The following OTUB2 variants were observed in gnomAD, a reference collection of about 807,000 sequenced individuals.
OTUB2 encodes OTU deubiquitinase, ubiquitin aldehyde binding 2, also known as ubiquitin thioesterase OTUB2.
A neutral mutation model predicts 25.1 loss-of-function variants in OTUB2; 21 were observed. The ratio of observed to expected loss-of-function variants is 0.84; its 90% CI spans 0.59 to 1.21. The LOEUF (loss-of-function observed/expected upper bound fraction) is 1.21. Among genes scored for constraint, OTUB2 ranks in the 50% most tolerant of loss-of-function variants. OTUB2 has a pLI of 0.00. For synonymous variants in OTUB2, 122 were observed against 122.8 expected (o/e 0.99, Z 0.04); for missense variants, 283 against 298.0 (o/e 0.95, Z 0.37).
intron 1 of OTUB2, among the ~76,000 whole-genome samples, chr14:94,035,027 T>C (rs1457140606): frequency 6.6e-6 from 1 of 152,232 alleles, no homozygotes; most frequent in East Asian, 1.9e-4. Context: ...CAGAAGCCCT[T>C]GGCACCTGCC....
Position 94,026,443 on chromosome 14 carries a change from G to T in OTUB2, c.-95G>T. On this transcript the variant is annotated 5_prime_UTR_variant, in exon 1 of 6. Transcript: ENST00000203664. Reference sequence around the variant, plus strand: ...CCACGCCCTCGAGGTCCCCGCCACCGAACCAGCGGCGGAGCCCGCCCGCGC... The same window carrying T: ...CCACGCCCTCGAGGTCCCCGCCACCTAACCAGCGGCGGAGCCCGCCCGCGC... 3 of 1,309,710 alleles carry T rather than the reference G, an allele frequency of 2.3e-6. No individual in the cohort carries two copies. The highest frequency in any genetic ancestry group is 2.9e-6 in the Non-Finnish European group (3 of 1,028,608). The allele number at this position is 1,309,710 out of a possible 1,614,324, so 81.1% of individuals were successfully genotyped here. A position where few individuals can be genotyped will look rare whatever the true frequency, so the allele number is the denominator to read the frequency against.
At chr14:94,042,500 G>C (rs189290058) in intron 3 of OTUB2, among the ~76,000 whole-genome samples, 25 of 152,082 alleles carry the variant, frequency 1.6e-4, no homozygotes, top group Non-Finnish European at 2.4e-4. Flanking sequence ...GGGGTGGGAG[G>C]GGGGGCAGGA....
Position 94,038,975 on chromosome 14 carries a change from A to G in OTUB2, c.112A>G (p.Arg38Gly). 1 of 1,614,158 alleles carries G rather than the reference A, an allele frequency of 6.2e-7. No individual in the cohort carries two copies. Among genetic ancestry groups the G allele is most frequent in the Non-Finnish European group, 8.5e-7 (1 of 1,180,014 alleles). Residue 38 changes from arginine to glycine, a missense_variant, in exon 3 of 6, where the codon AGG (arginine) becomes GGG (glycine). By Grantham distance (125) the Arg-to-Gly change is moderately radical. Transcript: ENST00000203664. ...YRRKIEELSK[R>G]FTAIRKTKGD... ...CTGTCCCCCTCAGGAACTCAGCAAA[A>G]GGTTCACCGCCATCCGCAAGACCAA...
At position 94,037,433 on chromosome 14, in the gene OTUB2, T is replaced by C. The variant is rs529197001; in HGVS notation, c.57T>C (p.Leu19=). The C allele has an allele frequency of 5.0e-6, 8 of 1,606,962 alleles. No individual in the cohort carries two copies. The East Asian group carries it at 6.7e-5, about 13-fold the overall frequency. Residue 19 remains leucine (L), a synonymous_variant, in exon 2 of 6, where the codon CTT becomes CTC. Transcript: ENST00000203664. Reference sequence around the variant, plus strand: ...AAAAATGTGACATTCTATCCATTCTTCGGGACCATCCTGAAAACAGGATTT... The same window carrying C: ...AAAAATGTGACATTCTATCCATTCTCCGGGACCATCCTGAAAACAGGATTT... ...ISEKCDILSI[L]RDHPENRIYR... is the part of the protein sequence containing the mutation.
At position 94,045,888 on chromosome 14, in the gene OTUB2, A is replaced by C. The variant is rs775682942; in HGVS notation, c.671A>C (p.His224Pro). The change falls in exon 6 of 6, where the codon CAC (histidine) becomes CCC (proline). Residue 224 changes from histidine to proline, a missense_variant. His to Pro is a moderately conservative substitution (Grantham distance 77). Transcript: ENST00000203664. ...GTTTACCTGCTCTATAAAACATCCC[A>C]CTACAACATCCTTTATGCAGCCGAT... Reference protein sequence around the residue: ...PSVYLLYKTSHYNILYAADKH With the variant: ...PSVYLLYKTSPYNILYAADKH 4 of 1,614,166 alleles carry C rather than the reference A, an allele frequency of 2.5e-6. No individual in the cohort carries two copies.
At chr14:94,027,011 A>G (rs1386708176) in intron 1 of OTUB2, among the ~76,000 whole-genome samples, 1 of 152,222 alleles carries the variant, frequency 6.6e-6, no homozygotes, top group Non-Finnish European at 1.5e-5. Context: ...TGCACGGGGC[A>G]CCAGGTCGTC....
chr14:94,044,079 C>A (rs979117640), intron 4 of OTUB2, 24 bp downstream of exon 4: 5 of 1,603,718 alleles, frequency 3.1e-6, no homozygotes, highest in African/African-American at 1.3e-5. Flanking sequence ...GTCCCTCCTT[C>A]CACACTGGCA....
chr14:94,026,924 C>T (rs1884875404), intron 1 of OTUB2, among the ~76,000 whole-genome samples: 1 of 152,204 alleles, frequency 6.6e-6, no homozygotes, highest in Non-Finnish European at 1.5e-5. Context: ...CAGCAGTCCA[C>T]GGCCCCACCC....
Position 94,045,750 on chromosome 14 carries a change from T to C in OTUB2, c.533T>C (p.Ile178Thr). The C allele has an allele frequency of 2.5e-6, 4 of 1,614,166 alleles. No individual in the cohort carries two copies. The highest frequency in any genetic ancestry group is 2.5e-6 in the Non-Finnish European group (3 of 1,180,022). ...CCCATGGCCACGGAGTGTGACCACA[T>C]CCAGATCACGGCGTTGTCGCAGGCC... The part of the protein sequence containing the change: ...VEPMATECDH[I>T]QITALSQALS... The change falls in exon 6 of 6, where the codon ATC becomes ACC. Residue 178 changes from isoleucine to threonine, a missense_variant. Transcript: ENST00000203664.
intron 1 of OTUB2, among the ~76,000 whole-genome samples, chr14:94,032,699 G>A (rs1474547379): frequency 6.6e-6 from 1 of 152,140 alleles, no homozygotes; most frequent in Non-Finnish European, 1.5e-5. Context: ...GGTTATGTAT[G>A]TTTTACCATA....
rs1032910412 is a variant in OTUB2 at position 94,045,740 on chromosome 14, T to C, written c.523T>C (p.Cys175Arg). 1.2e-6 allele frequency: 2 copies of C among 1,614,142 alleles called. No individual in the cohort carries two copies. Among genetic ancestry groups the C allele is most frequent in the Non-Finnish European group, 1.7e-6 (2 of 1,180,036 alleles). ...THEVEPMATE[C>R]DHIQITALSQ... ...GGAAGTAGAGCCCATGGCCACGGAGTGTGACCACATCCAGATCACGGCGTT... is the reference window on the plus strand; with the variant it reads ...GGAAGTAGAGCCCATGGCCACGGAGCGTGACCACATCCAGATCACGGCGTT... The change falls in exon 6 of 6, where the codon TGT (cysteine) becomes CGT (arginine). Residue 175 changes from cysteine to arginine, a missense_variant. Physicochemically the swap from Cys to Arg is radical, Grantham distance 180. Coordinates refer to ENST00000203664, the MANE Select transcript of OTUB2 (RefSeq NM_023112.4).
intron 2 of OTUB2, among the ~76,000 whole-genome samples, chr14:94,038,029 G>A (rs956532449): frequency 1.3e-5 from 2 of 152,252 alleles, no homozygotes; most frequent in Non-Finnish European, 1.5e-5. Flanking sequence ...GGCCCTGGCC[G>A]CTCTCTGCAC....
chr14:94,038,322 G>C (rs1019745506), intron 2 of OTUB2, among the ~76,000 whole-genome samples: 1 of 152,220 alleles, frequency 6.6e-6, no homozygotes, highest in East Asian at 1.9e-4. Flanking sequence ...TGGGAGATGA[G>C]CCAGGGGCTC....
At chr14:94,044,848 C>T in intron 5 of OTUB2, 68 bp downstream of exon 5, 1 of 1,471,468 alleles carries the variant, frequency 6.8e-7, no homozygotes, top group East Asian at 2.4e-5. Context: ...CAGACTTCAG[C>T]ACCCATCCGT....
In OTUB2 at chr14:94,040,960, C is replaced by T. The variant is rs150910157; in HGVS notation, c.218+1879C>T. On this transcript the variant is annotated intron_variant, in intron 3 of 5. Coordinates refer to ENST00000203664, the MANE Select transcript of OTUB2 (RefSeq NM_023112.4). ...ACCTTGGCTTTCAGCCTGAAGGACA[C>T]GGGAGCCACCGAGGGATTGCGCAGC... Among the ~76,000 whole-genome samples the T allele has an allele frequency of 5.2e-3, 786 of 152,282 alleles. 4 individuals are homozygous for T. The highest frequency in any genetic ancestry group is 8.3e-3 in the Non-Finnish European group (566 of 68,026).
rs564768980 is a variant in OTUB2, at chr14:94,035,661, C to A, written c.4-1719C>A. Among the ~76,000 whole-genome samples, 3 of 152,200 alleles carry A rather than the reference C, an allele frequency of 2.0e-5. No individual in the cohort carries two copies. In the South Asian group the frequency reaches 6.2e-4, roughly 32 times the overall value. On this transcript the variant is annotated intron_variant, in intron 1 of 5. Coordinates refer to ENST00000203664, the MANE Select transcript of OTUB2 (RefSeq NM_023112.4). ...CTTCTGGGAAGTTGCCCTGAATCCC[C>A]CATGTCGGGGGGAGATCATGTTTGG...
In OTUB2 at chr14:94,028,725, T is replaced by G. The variant is rs111858778; in HGVS notation, c.3+2185T>G. Among the ~76,000 whole-genome samples, 33 of 152,366 alleles carry G rather than the reference T, an allele frequency of 2.2e-4. 1 individual carries two copies. In the South Asian group the frequency reaches 6.6e-3, roughly 31 times the overall value. The stretch of plus-strand genomic sequence containing the variant: ...CCCGCTGTAGGAGCTCACTGCCTGC[T>G]GGCCAAGACAGCTGGACACAAGCAG... On this transcript the variant is annotated intron_variant, in intron 1 of 5. Coordinates refer to ENST00000203664, the MANE Select transcript of OTUB2 (RefSeq NM_023112.4).
At chr14:94,041,223 T>G (rs764638931) in intron 3 of OTUB2, among the ~76,000 whole-genome samples, 2 of 152,106 alleles carry the variant, frequency 1.3e-5, no homozygotes, top group Non-Finnish European at 2.9e-5. Context: ...AGGTTTGGCC[T>G]GAGAGTTAGC....
intron 5 of OTUB2, 119 bp downstream of exon 5, chr14:94,044,899 A>G: frequency 1.8e-6 from 2 of 1,092,228 alleles, no homozygotes; most frequent in East Asian, 5.3e-5. Context: ...TTGCAATTCA[A>G]ACAGAGCTAG....
Sources: gnomAD v4.1 joint callset for allele counts (sites outside exome capture counted in the v4.1 genomes callset) on GRCh38, gnomAD v4.1.1 for gene constraint, MANE v1.5 for transcripts, NCBI Gene and HGNC (gene_info 2026-07-23, HGNC 2026-07-21) for gene names.